The following SMYD3 variants were observed in gnomAD, a reference collection of about 807,000 sequenced individuals.
SMYD3 encodes the protein histone-lysine N-methyltransferase SMYD3.
SMYD3 carries 36 observed loss-of-function variants against 57.7 expected under a neutral mutation model. The observed-to-expected ratio is 0.62, with a 90% confidence interval of 0.48 to 0.82. The LOEUF is 0.82. Among genes scored for constraint, SMYD3 ranks in the 40% least tolerant of loss-of-function variants. The probability of loss-of-function intolerance (pLI) is 0.00; values close to 1 mark genes in which losing one functional copy is unlikely to be tolerated. For synonymous variants in SMYD3, 211 were observed against 195.0 expected, an observed-to-expected ratio of 1.08 and a Z score of -0.68; for missense variants, 515 against 538.8, an observed-to-expected ratio of 0.96 and a Z score of 0.44.
At chr1:246,486,995 A>G (rs1315215951) in intron 1 of SMYD3, among the ~76,000 whole-genome samples, 1 of 152,164 alleles carries the variant, frequency 6.6e-6, no homozygotes, top group Non-Finnish European at 1.5e-5. Context: ...AAAATTACCC[A>G]CCTATACTAA....
At chr1:246,478,136 C>A (rs966119301) in intron 1 of SMYD3, among the ~76,000 whole-genome samples, 4 of 152,192 alleles carry the variant, frequency 2.6e-5, no homozygotes, top group Non-Finnish European at 5.9e-5. Context: ...AACATTATGA[C>A]ACGATCAAGA....
chr1:246,427,538 A>T (rs57440232), intron 1 of SMYD3, among the ~76,000 whole-genome samples: 3,963 of 151,518 alleles, frequency 0.026, 137 homozygotes, highest in African/African-American at 0.078. Context: ...AAAAAATAAA[A>T]AAAAATAAAT....
chr1:246,424,158 C>T (rs1572488366), intron 1 of SMYD3, among the ~76,000 whole-genome samples: 2 of 151,820 alleles, frequency 1.3e-5, no homozygotes, highest in East Asian at 1.9e-4. Flanking sequence ...GTTTATAACA[C>T]GTACAAGTAA....
chr1:246,286,965 G>A (rs1325212975), intron 5 of SMYD3, among the ~76,000 whole-genome samples: 1 of 151,180 alleles, frequency 6.6e-6, no homozygotes, highest in Non-Finnish European at 1.5e-5. Flanking sequence ...CCGCCCCCTA[G>A]GTTCAAGCAG....
intron 5 of SMYD3, among the ~76,000 whole-genome samples, chr1:246,184,126 C>T (rs911354572): frequency 6.6e-6 from 1 of 152,132 alleles, no homozygotes; most frequent in African/African-American, 2.4e-5. Flanking sequence ...TTCCCATGAG[C>T]ACCAAAGCAG....
At chr1:246,063,784 C>G (rs557011004) in intron 5 of SMYD3, among the ~76,000 whole-genome samples, 2 of 152,018 alleles carry the variant, frequency 1.3e-5, no homozygotes, top group Non-Finnish European at 2.9e-5. Flanking sequence ...GGATTACAGG[C>G]GCATGCCACC....
At chr1:246,321,094 G>T (rs2065239928) in intron 5 of SMYD3, among the ~76,000 whole-genome samples, 1 of 152,166 alleles carries the variant, frequency 6.6e-6, no homozygotes, top group Admixed American at 6.5e-5. Flanking sequence ...CTCAAGAAAA[G>T]ACACCATTGC....
chr1:246,052,371 C>T (rs1376671352), intron 5 of SMYD3, among the ~76,000 whole-genome samples: 1 of 152,050 alleles, frequency 6.6e-6, no homozygotes, highest in East Asian at 1.9e-4. Context: ...CTATGTGATG[C>T]TGATAGTACA....
chr1:245,786,076 C>CTTT (rs11457106), intron 10 of SMYD3, among the ~76,000 whole-genome samples: 11 of 123,254 alleles, frequency 8.9e-5, no homozygotes, highest in South Asian at 8.0e-4. Context: ...AGAAGTTTTG[C>CTTT]TTTTTTTTTT....
intron 1 of SMYD3, among the ~76,000 whole-genome samples, chr1:246,357,604 T>C (rs1448003925): frequency 6.6e-6 from 1 of 152,178 alleles, no homozygotes; most frequent in East Asian, 1.9e-4. Context: ...TTGCATGATA[T>C]CTATGAACCC....
At chr1:246,492,484 G>A (rs551128173) in intron 1 of SMYD3, among the ~76,000 whole-genome samples, 1 of 152,282 alleles carries the variant, frequency 6.6e-6, no homozygotes, top group East Asian at 1.9e-4. Context: ...AAAAAGGTAA[G>A]CGAGAAACAA....
intron 1 of SMYD3, among the ~76,000 whole-genome samples, chr1:246,427,512 T>A (rs2067236431): frequency 9.1e-6 from 1 of 109,972 alleles, no homozygotes; most frequent in Non-Finnish European, 1.9e-5. Context: ...AGAGCGAGAC[T>A]CCGTCTCAAA....
chr1:246,305,925 G>A (rs948501117), intron 5 of SMYD3: 3 of 152,024 alleles, frequency 2.0e-5, no homozygotes, highest in Admixed American at 2.0e-4. Flanking sequence ...TCACCTTCAA[G>A]TTTAGAAAGA....
At chr1:245,839,376 A>G (rs547205512) in intron 10 of SMYD3, among the ~76,000 whole-genome samples, 56 of 151,908 alleles carry the variant, frequency 3.7e-4, no homozygotes, top group East Asian at 1.2e-3. Context: ...TCACCGTGTT[A>G]GCCAGGATGG....
At chr1:246,469,373 A>C (rs1353016095) in intron 1 of SMYD3, among the ~76,000 whole-genome samples, 4 of 152,206 alleles carry the variant, frequency 2.6e-5, no homozygotes, top group African/African-American at 4.8e-5. Context: ...ACAAAAGCTA[A>C]AGGGATTTTT....
intron 1 of SMYD3, among the ~76,000 whole-genome samples, chr1:246,490,403 G>A (rs2068251411): frequency 1.3e-5 from 2 of 152,186 alleles, no homozygotes; most frequent in African/African-American, 4.8e-5. Context: ...TTCAGTCACT[G>A]AGACATTTAT....
At chr1:246,155,331 G>C (rs2062006131) in intron 5 of SMYD3, among the ~76,000 whole-genome samples, 2 of 152,134 alleles carry the variant, frequency 1.3e-5, no homozygotes, top group Admixed American at 1.3e-4. Flanking sequence ...TCAGGACACA[G>C]CCAAGAGAAA....
rs926054928 is a variant in SMYD3, at chr1:246,476,647, G to A, written c.164+30407C>T. Among the ~76,000 whole-genome samples, 6 of 152,168 alleles carry A rather than the reference G, an allele frequency of 3.9e-5. No homozygotes were observed. The South Asian group carries it at 1.2e-3, about 32-fold the overall frequency. The stretch of plus-strand genomic sequence containing the variant: ...AATTCAAATACAGAACCAAGGGGCT[G>A]CTTTCAACCTATATGAAGACTTTCA... On this transcript the variant is annotated intron_variant, in intron 1 of 11. Coordinates refer to ENST00000490107, the MANE Select transcript of SMYD3 (RefSeq NM_001167740.2).
chr1:246,428,268 A>G (rs749657840), intron 1 of SMYD3, among the ~76,000 whole-genome samples: 43 of 152,216 alleles, frequency 2.8e-4, no homozygotes, highest in Non-Finnish European at 4.9e-4. Flanking sequence ...AGGAAGTCAA[A>G]CTAGTTACTT....
Sources: allele counts gnomAD v4.1 joint callset (sites outside exome capture counted in the v4.1 genomes callset), GRCh38; gene constraint gnomAD v4.1.1; transcripts MANE v1.5; gene names NCBI Gene and HGNC (gene_info 2026-07-23, HGNC 2026-07-21).